PLCH1: variants seen among roughly 807,000 people sequenced by gnomAD.
PLCH1 encodes the protein phospholipase C eta 1.
A neutral mutation model predicts 126.7 loss-of-function variants in PLCH1; 60 were observed. That is an observed-to-expected ratio of 0.47 (90% CI 0.38 to 0.59). The LOEUF is 0.59. PLCH1 is among the 20% of genes least tolerant of loss of function. PLCH1 has a pLI of 0.00. For synonymous variants in PLCH1, 719 were observed against 734.9 expected, an observed-to-expected ratio of 0.98 and a Z score of 0.35; for missense variants, 1,723 against 2,040.0, an observed-to-expected ratio of 0.84 and a Z score of 2.99.
chr3:155,580,041 A>T (rs552168270), intron 6 of PLCH1, among the ~76,000 whole-genome samples: 1 of 152,180 alleles, frequency 6.6e-6, no homozygotes, highest in African/African-American at 2.4e-5. Context: ...TCAAAAACAA[A>T]CATGGAAAAA....
At chr3:155,564,865 A>T in intron 8 of PLCH1, 50 bp downstream of exon 8, 1 of 1,195,586 alleles carries the variant, frequency 8.4e-7, no homozygotes, top group Non-Finnish European at 1.2e-6. Flanking sequence ...CAGACTGATT[A>T]AAGGACAGGG....
chr3:155,667,671 A>G (rs149957480), intron 2 of PLCH1, among the ~76,000 whole-genome samples: 9 of 152,236 alleles, frequency 5.9e-5, no homozygotes, highest in Admixed American at 1.3e-4. Context: ...CCTGCTGTTA[A>G]AGGAACACTT....
chr3:155,471,107 C>A (rs954496628), intron 21 of PLCH1, among the ~76,000 whole-genome samples: 1 of 152,140 alleles, frequency 6.6e-6, no homozygotes, highest in Non-Finnish European at 1.5e-5. Context: ...GGACTAAATG[C>A]TCCAATTAAA....
At chr3:155,631,975 A>G (rs547924694) in intron 2 of PLCH1, among the ~76,000 whole-genome samples, 1 of 151,866 alleles carries the variant, frequency 6.6e-6, no homozygotes, top group Non-Finnish European at 1.5e-5. Flanking sequence ...TTTAACTGAA[A>G]TCACACTTCT....
intron 4 of PLCH1, among the ~76,000 whole-genome samples, chr3:155,587,063 G>T (rs1055112330): frequency 6.6e-6 from 1 of 152,040 alleles, no homozygotes; most frequent in African/African-American, 2.4e-5. Context: ...GTTTTTCTCA[G>T]TTATGCTGCC....
intron 9 of PLCH1, among the ~76,000 whole-genome samples, chr3:155,550,404 C>A (rs1725951727): frequency 6.6e-6 from 1 of 152,038 alleles, no homozygotes; most frequent in South Asian, 2.1e-4. Context: ...TAATTAACCC[C>A]CACCTTGAAA....
At chr3:155,476,802 T>C (rs1487681332), downstream of PLCH1, among the ~76,000 whole-genome samples, 2 of 152,130 alleles carry the variant, frequency 1.3e-5, no homozygotes, top group East Asian at 3.8e-4. Context: ...GAAGACTCAA[T>C]GTCATTAAAA....
At chr3:155,697,942 A>T (rs1260835250) in intron 2 of PLCH1, among the ~76,000 whole-genome samples, 1 of 152,226 alleles carries the variant, frequency 6.6e-6, no homozygotes, top group Non-Finnish European at 1.5e-5. Context: ...TCTTTGTACC[A>T]AAATCTGTGG....
intron 10 of PLCH1, among the ~76,000 whole-genome samples, chr3:155,541,832 T>TCACA (rs58873191): frequency 2.6e-5 from 4 of 151,516 alleles, no homozygotes; most frequent in Non-Finnish European, 5.9e-5. Flanking sequence ...ACACACACAC[T>TCACA]CACACAAAAT....
In PLCH1 at chr3:155,741,684, C is replaced by CTTTTATTTTTTTTTTTTTTT; in HGVS notation, c.-41+3155_-41+3156insAAAAAAAAAAAAAAATAAAA. Among the ~76,000 whole-genome samples, 131 of 102,852 alleles carry CTTTTATTTTTTTTTTTTTTT rather than the reference C, an allele frequency of 1.3e-3. 2 individuals are homozygous for CTTTTATTTTTTTTTTTTTTT. Among genetic ancestry groups the CTTTTATTTTTTTTTTTTTTT allele is most frequent in the African/African-American group, 5.4e-3 (112 of 20,890 alleles). The allele number at this position is 102,852 out of a possible 152,430, so 67.5% of individuals were successfully genotyped here. A position where few individuals can be genotyped will look rare whatever the true frequency, so the allele number is the denominator to read the frequency against. On this transcript the variant is annotated intron_variant, in intron 1 of 22. Coordinates refer to ENST00000460012, the MANE Select transcript of PLCH1 (RefSeq NM_014996.4). ...TCCTTTTATCATAATTTTATATCCTCTTTTTTTTTTTTTTTTTTTTGTTCA... is the reference window on the plus strand; with the variant it reads ...TCCTTTTATCATAATTTTATATCCTCTTTTATTTTTTTTTTTTTTTTTTTTTTTTTTTTTTTTTTTGTTCA...
intron 2 of PLCH1, among the ~76,000 whole-genome samples, chr3:155,656,520 C>A (rs1206637247): frequency 6.6e-6 from 1 of 152,046 alleles, no homozygotes; most frequent in Non-Finnish European, 1.5e-5. Flanking sequence ...TGTAATTCAC[C>A]ATTTCACCAG....
At chr3:155,521,470 A>G (rs1468577505) in intron 11 of PLCH1, among the ~76,000 whole-genome samples, 4 of 152,242 alleles carry the variant, frequency 2.6e-5, no homozygotes, top group African/African-American at 4.8e-5. Context: ...AATGAATGCA[A>G]AGTTAAAATG....
At chr3:155,464,454 C>G (rs1259504112) in intron 21 of PLCH1, among the ~76,000 whole-genome samples, 1 of 152,144 alleles carries the variant, frequency 6.6e-6, no homozygotes, top group Middle Eastern at 3.2e-3. Context: ...TGTTACTGTT[C>G]AGTCTTAAAA....
intron 2 of PLCH1, among the ~76,000 whole-genome samples, chr3:155,645,317 C>T (rs1739891572): frequency 6.6e-6 from 1 of 152,216 alleles, no homozygotes; most frequent in Non-Finnish European, 1.5e-5. Flanking sequence ...TCAATCAATC[C>T]TCCTGCCTTA....
chr3:155,537,201 CCAAAAAAAAAAAAAA>C (rs1723509131), intron 10 of PLCH1, among the ~76,000 whole-genome samples: 6 of 132,112 alleles, frequency 4.5e-5, no homozygotes, highest in African/African-American at 1.8e-4. Context: ...AAAAAAAAAA[CCAAAAAAAAAAAAAA>C]AAAAAAAAAA....
chr3:155,476,077 A>G (rs940456543), downstream of PLCH1, among the ~76,000 whole-genome samples: 1 of 152,164 alleles, frequency 6.6e-6, no homozygotes, highest in African/African-American at 2.4e-5. Flanking sequence ...ATACTAGCAA[A>G]CCAATTCAGC....
chr3:155,565,519 C>T (rs942737810), intron 7 of PLCH1, among the ~76,000 whole-genome samples: 3 of 151,964 alleles, frequency 2.0e-5, no homozygotes, highest in Admixed American at 2.0e-4. Flanking sequence ...CTGTTTCCTC[C>T]CACTTCACCT....
At chr3:155,453,785 A>C (rs1712372213) in intron 21 of PLCH1, among the ~76,000 whole-genome samples, 1 of 151,244 alleles carries the variant, frequency 6.6e-6, no homozygotes, top group Non-Finnish European at 1.5e-5. Context: ...ATTTCTGATA[A>C]TAAATTATAA....
At chr3:155,680,287 G>A (rs1359565496) in intron 2 of PLCH1, among the ~76,000 whole-genome samples, 1 of 152,024 alleles carries the variant, frequency 6.6e-6, no homozygotes, top group East Asian at 1.9e-4. Context: ...GGAGGCTGAG[G>A]CAGGAGAATT....
Sources: gnomAD v4.1 joint callset for allele counts (sites outside exome capture counted in the v4.1 genomes callset) on GRCh38, gnomAD v4.1.1 for gene constraint, MANE v1.5 for transcripts, NCBI Gene and HGNC (gene_info 2026-07-23, HGNC 2026-07-21) for gene names.